Variants in GARNL3 observed in about 807,000 individuals in gnomAD.
GARNL3 encodes GTPase activating Rap/RanGAP domain like 3, also known as GTPase-activating Rap/Ran-GAP domain-like protein 3.
GARNL3 carries 63 observed loss-of-function variants against 125.0 expected under a neutral mutation model. The observed-to-expected ratio is 0.50, with a 90% CI of 0.41 to 0.62. The LOEUF is 0.62. Among genes scored for constraint, GARNL3 ranks in the 20% least tolerant of loss-of-function variants. The probability of loss-of-function intolerance (pLI) is 0.00; values close to 1 mark genes in which losing one functional copy is unlikely to be tolerated. For missense variants in GARNL3, 994 were observed against 1,244.0 expected, an observed-to-expected ratio of 0.80 and a Z score of 3.02; for synonymous variants, 439 against 457.5, an observed-to-expected ratio of 0.96 and a Z score of 0.52.
rs777534038 is a variant in GARNL3 at position 127,390,775 on chromosome 9, G to A, written c.2870+8G>A. On this transcript the variant is annotated splice_region_variant and intron_variant, in intron 27 of 27. Transcript: ENST00000373387. ...GTCATCTAGCAGTGACAGGTAAAGA[G>A]AGGGAGAGGCCCCTGCTTGGGGTGG... The A allele has an allele frequency of 6.2e-7, 1 of 1,612,158 alleles. No individual in the cohort carries two copies. The highest frequency in any genetic ancestry group is 1.1e-5 in the South Asian group (1 of 90,984).
chr9:127,282,883 C>A (rs1304449455), intron 1 of GARNL3, among the ~76,000 whole-genome samples: 5 of 152,156 alleles, frequency 3.3e-5, no homozygotes, highest in Admixed American at 3.3e-4. Context: ...GAAAGATCCT[C>A]ATTTAATAAT....
intron 2 of GARNL3, among the ~76,000 whole-genome samples, chr9:127,293,400 T>G (rs1485527906): frequency 6.6e-6 from 1 of 152,248 alleles, no homozygotes; most frequent in East Asian, 1.9e-4. Flanking sequence ...TTTCTCCTAT[T>G]CTGTGGGTTA....
intron 7 of GARNL3, among the ~76,000 whole-genome samples, chr9:127,328,360 G>A (rs1275759794): frequency 6.6e-6 from 1 of 152,148 alleles, no homozygotes; most frequent in African/African-American, 2.4e-5. Flanking sequence ...TCTCAACTGG[G>A]ATAAATTGGG....
At chr9:127,244,422 A>G (rs1371849772) in intron 2 of GARNL3, among the ~76,000 whole-genome samples, 2 of 152,188 alleles carry the variant, frequency 1.3e-5, no homozygotes, top group Non-Finnish European at 2.9e-5. Flanking sequence ...TAGGCAGTAA[A>G]CCAACAGTTG....
intron 1 of GARNL3, among the ~76,000 whole-genome samples, chr9:127,231,879 T>A (rs2063025551): frequency 6.6e-6 from 1 of 152,208 alleles, no homozygotes; most frequent in Non-Finnish European, 1.5e-5. Context: ...CACAAGGTCA[T>A]CAGTGGGTTC....
Position 127,266,725 on chromosome 9 carries a change from G to T in GARNL3, c.144+1704G>T, listed in dbSNP as rs560541879. 6.6e-6 allele frequency among the ~76,000 whole-genome samples: 1 copy of T among 152,314 alleles called. No homozygotes were observed. The highest frequency in any genetic ancestry group is 6.5e-5 in the Admixed American group (1 of 15,298). ...TAAGCACAGTTTATGTTAACCAGCT[G>T]CAGTCATAAAGACAAAATTCAGTAG... On this transcript the variant is annotated intron_variant, in intron 1 of 27. Transcript: ENST00000373387. The surrounding 1 kb of genome is among the most constrained non-coding windows in gnomAD (Gnocchi z 4.0).
chr9:127,261,705 G>A (rs879014562), upstream of GARNL3, among the ~76,000 whole-genome samples: 18 of 152,232 alleles, frequency 1.2e-4, no homozygotes, highest in Middle Eastern at 3.4e-3. Context: ...GAGCCACCGC[G>A]CCCGGCCTTC....
At chr9:127,255,555 G>T (rs746488266) in intron 2 of GARNL3, among the ~76,000 whole-genome samples, 1 of 152,080 alleles carries the variant, frequency 6.6e-6, no homozygotes, top group Non-Finnish European at 1.5e-5. Context: ...TCAGGGAGAG[G>T]TACACAAGGG....
chr9:127,230,878 C>T (rs1264903350), intron 1 of GARNL3, among the ~76,000 whole-genome samples: 1 of 150,564 alleles, frequency 6.6e-6, no homozygotes, highest in Non-Finnish European at 1.5e-5. Context: ...ATTGGCTGAA[C>T]AAAACTTTTA....
At chr9:127,354,165 G>C (rs1157178103) in intron 18 of GARNL3, 129 bp from the exon 19 acceptor site, 6 of 723,662 alleles carry the variant, frequency 8.3e-6, no homozygotes, top group Admixed American at 4.7e-5. Flanking sequence ...GGTTAAAGTG[G>C]TGTGGGGTGC....
At chr9:127,295,040 A>G (rs1432082571) in intron 2 of GARNL3, among the ~76,000 whole-genome samples, 1 of 152,212 alleles carries the variant, frequency 6.6e-6, no homozygotes, top group East Asian at 1.9e-4. Flanking sequence ...TGCTTCTCAG[A>G]CTGTCCATCT....
chr9:127,293,424 T>C (rs2064487242), intron 2 of GARNL3, among the ~76,000 whole-genome samples: 2 of 152,222 alleles, frequency 1.3e-5, no homozygotes, highest in Admixed American at 6.5e-5. Context: ...TTTCACTTTC[T>C]TGGTTGTGTC....
rs140604954 is a variant in GARNL3 at position 127,247,784 on chromosome 9, A to G, written c.143+4535A>G. On this transcript the variant is annotated intron_variant, in intron 2 of 10. Transcript: ENST00000439286. ...TATTCTTTGTGTTACAAATAACGCA[A>G]TTATACTCTTTTAGTTATTTAAAAA... Among the ~76,000 whole-genome samples, 464 of 152,336 alleles carry G rather than the reference A, an allele frequency of 3.0e-3. 3 individuals carry two copies. Among genetic ancestry groups the G allele is most frequent in the African/African-American group, 0.011 (442 of 41,578 alleles).
intron 22 of GARNL3, among the ~76,000 whole-genome samples, chr9:127,382,927 G>A (rs181310779): frequency 6.6e-6 from 1 of 152,256 alleles, no homozygotes; most frequent in Non-Finnish European, 1.5e-5. Context: ...TTGCAGGAGG[G>A]CATTCTCCAC....
chr9:127,304,530 CTTTTT>C (rs61493807), intron 2 of GARNL3, among the ~76,000 whole-genome samples: 1 of 99,220 alleles, frequency 1.0e-5, no homozygotes, highest in Admixed American at 1.5e-4. Context: ...TGGCTTTATT[CTTTTT>C]TTTTTTTTTT....
chr9:127,271,806 A>G (rs1457607232), intron 1 of GARNL3, among the ~76,000 whole-genome samples: 1 of 150,344 alleles, frequency 6.7e-6, no homozygotes, highest in Non-Finnish European at 1.5e-5. Context: ...CTTCTGGGTA[A>G]GTAATGATCT....
chr9:127,376,100 C>T (rs1831889491), intron 22 of GARNL3, among the ~76,000 whole-genome samples: 1 of 152,176 alleles, frequency 6.6e-6, no homozygotes, highest in African/African-American at 2.4e-5. Context: ...GCTGGGATTA[C>T]AGGCACACAC....
intron 6 of GARNL3, among the ~76,000 whole-genome samples, chr9:127,321,474 C>T (rs992828493): frequency 1.3e-5 from 2 of 152,186 alleles, no homozygotes; most frequent in African/African-American, 4.8e-5. Context: ...GTCGATTGAG[C>T]TCTTACTCAT....
chr9:127,342,103 CA>C, intron 13 of GARNL3, 115 bp from the exon 14 acceptor site: 1 of 733,388 alleles, frequency 1.4e-6, no homozygotes, highest in Non-Finnish European at 2.3e-6. Context: ...AAACCTCAAA[CA>C]AAAAAATTCC....
Sources: allele counts gnomAD v4.1 joint callset (sites outside exome capture counted in the v4.1 genomes callset), GRCh38; gene constraint gnomAD v4.1.1; non-coding constraint Gnocchi (gnomAD v3.1); transcripts MANE v1.5; gene names NCBI Gene and HGNC (gene_info 2026-07-23, HGNC 2026-07-21).